PCSK5: variants seen among roughly 807,000 people sequenced by gnomAD.
The protein encoded by PCSK5 is proprotein convertase subtilisin/kexin type 5.
PCSK5 carries 129 observed loss-of-function variants against 233.2 expected under a neutral mutation model. That is an observed-to-expected ratio of 0.55 (90% CI 0.48 to 0.64). PCSK5 has a LOEUF of 0.64. PCSK5 is among the 30% of genes least tolerant of loss of function. The pLI is 0.00. For missense variants in PCSK5, 2,076 were observed against 2,430.1 expected, an observed-to-expected ratio of 0.85 and a Z score of 3.06; for synonymous variants, 825 against 879.2, an observed-to-expected ratio of 0.94 and a Z score of 1.09.
intron 20 of PCSK5, among the ~76,000 whole-genome samples, chr9:76,221,428 G>T (rs369670963): frequency 3.3e-5 from 5 of 152,184 alleles, no homozygotes; most frequent in Admixed American, 1.3e-4. Flanking sequence ...CACCTGGGTC[G>T]CAGCCCAGCT....
At chr9:76,131,805 G>T (rs1376780945) in intron 9 of PCSK5, among the ~76,000 whole-genome samples, 3 of 152,030 alleles carry the variant, frequency 2.0e-5, no homozygotes, top group African/African-American at 7.2e-5. Flanking sequence ...ATGAGACATT[G>T]ACTTCTTTTC....
chr9:75,967,149 A>T (rs2131356783), intron 2 of PCSK5, among the ~76,000 whole-genome samples: 1 of 151,902 alleles, frequency 6.6e-6, no homozygotes, highest in East Asian at 1.9e-4. Context: ...CAGGGGGTGA[A>T]TGTGCAGTTT....
intron 3 of PCSK5, among the ~76,000 whole-genome samples, chr9:76,011,943 C>A (rs1273107251): frequency 6.6e-6 from 1 of 151,806 alleles, no homozygotes; most frequent in East Asian, 1.9e-4. Flanking sequence ...TTTTTATTTC[C>A]TTCATAACTA....
At chr9:76,191,740 C>A (rs1279421275) in intron 20 of PCSK5, among the ~76,000 whole-genome samples, 1 of 152,096 alleles carries the variant, frequency 6.6e-6, no homozygotes, top group Admixed American at 6.5e-5. Context: ...GGTGGCACCC[C>A]AGGGGCCACG....
chr9:76,136,777 G>C (rs1823000226), intron 10 of PCSK5, among the ~76,000 whole-genome samples: 1 of 151,980 alleles, frequency 6.6e-6, no homozygotes, highest in Non-Finnish European at 1.5e-5. Flanking sequence ...ATAGGTACCT[G>C]CCAGTAATAG....
chr9:75,986,093 G>T, intron 2 of PCSK5, 39 bp from the exon 3 acceptor site: 1 of 1,164,426 alleles, frequency 8.6e-7, no homozygotes, highest in South Asian at 1.2e-5. Flanking sequence ...TAATAACCCT[G>T]ATGGAACGTG....
rs148937747 is a variant in PCSK5, at chr9:76,031,874, A to G, written c.632+4837A>G. Among the ~76,000 whole-genome samples the G allele has an allele frequency of 3.9e-3, 600 of 152,294 alleles. 7 individuals carry two copies. The highest frequency in any genetic ancestry group is 0.013 in the African/African-American group (561 of 41,572). On this transcript the variant is annotated intron_variant, in intron 5 of 37. Transcript: ENST00000674117. ...CAGTTATCTCAAAATATGTGTGCCT[A>G]TGAACACTTCAAATTTAAATTAAGA...
intron 21 of PCSK5, among the ~76,000 whole-genome samples, chr9:76,227,997 T>A (rs1825952542): frequency 6.7e-6 from 1 of 149,212 alleles, no homozygotes; most frequent in Non-Finnish European, 1.5e-5. Context: ...TGAGACAGAG[T>A]CTTGCTCTGT....
intron 1 of PCSK5, among the ~76,000 whole-genome samples, chr9:75,907,314 G>T (rs911302203): frequency 6.6e-6 from 1 of 151,968 alleles, no homozygotes; most frequent in African/African-American, 2.4e-5. Flanking sequence ...GACATGGAAC[G>T]TACGTAAAAT....
At position 76,360,849 on chromosome 9, in the gene PCSK5, A is replaced by C. The variant is rs769951203; in HGVS notation, c.*1927A>C. On this transcript the variant is annotated 3_prime_UTR_variant, in exon 38 of 38. Transcript: ENST00000674117. ...ATTCAGGTAATTTTCACATATTATAAAATTTTATTCTTCTTTTGATTTTTT... is the reference window on the plus strand; with the variant it reads ...ATTCAGGTAATTTTCACATATTATACAATTTTATTCTTCTTTTGATTTTTT... The C allele has an allele frequency of 6.6e-6, 1 of 152,220 alleles. No individual in the cohort carries two copies. The highest frequency in any genetic ancestry group is 1.5e-5 in the Non-Finnish European group (1 of 68,044). 9.4% of individuals were successfully genotyped at this position (152,220 alleles called of 1,614,324 possible).
At chr9:75,919,910 G>C (rs1435124009) in intron 1 of PCSK5, among the ~76,000 whole-genome samples, 1 of 152,202 alleles carries the variant, frequency 6.6e-6, no homozygotes, top group Non-Finnish European at 1.5e-5. Context: ...GCTCACGTCT[G>C]TAATCCCAGC....
At chr9:75,903,552 G>A (rs1826132991) in intron 1 of PCSK5, among the ~76,000 whole-genome samples, 1 of 84,568 alleles carries the variant, frequency 1.2e-5, no homozygotes, top group Non-Finnish European at 2.2e-5. Context: ...GTATGTGCAT[G>A]TGTGTATATA....
chr9:76,076,905 GTAA>G (rs909852414), intron 7 of PCSK5, among the ~76,000 whole-genome samples: 11 of 152,132 alleles, frequency 7.2e-5, no homozygotes, highest in African/African-American at 2.4e-4. Context: ...ACAATTAATA[GTAA>G]TAATAATAAT....
intron 35 of PCSK5, among the ~76,000 whole-genome samples, chr9:76,345,100 AAGT>A (rs1199654128): frequency 6.6e-6 from 1 of 152,160 alleles, no homozygotes; most frequent in Admixed American, 6.5e-5. Flanking sequence ...AGTACCCAAT[AAGT>A]AGTTTTTCAA....
chr9:76,174,367 C>T (rs1453954869), intron 13 of PCSK5, among the ~76,000 whole-genome samples: 2 of 150,826 alleles, frequency 1.3e-5, no homozygotes, highest in African/African-American at 4.9e-5. Context: ...AGTGCAGTGG[C>T]GTGATCTCCG....
intron 30 of PCSK5, among the ~76,000 whole-genome samples, chr9:76,312,329 G>C (rs774529066): frequency 6.6e-6 from 1 of 152,066 alleles, no homozygotes; most frequent in Non-Finnish European, 1.5e-5. Flanking sequence ...GACCAACATG[G>C]AGAAACCCCA....
chr9:76,047,975 G>A (rs566835175), intron 5 of PCSK5, among the ~76,000 whole-genome samples: 3 of 152,080 alleles, frequency 2.0e-5, no homozygotes, highest in East Asian at 3.9e-4. Context: ...AATCTTTATC[G>A]GTTTTTCCAA....
At chr9:76,295,532 C>A in intron 26 of PCSK5, 121 bp downstream of exon 26, 1 of 792,854 alleles carries the variant, frequency 1.3e-6, no homozygotes, top group Non-Finnish European at 2.0e-6. Flanking sequence ...ACCTCTGGCC[C>A]AAGGAGAAAT....
chr9:76,210,861 G>A (rs1205359765), intron 20 of PCSK5, among the ~76,000 whole-genome samples: 1 of 152,184 alleles, frequency 6.6e-6, no homozygotes, highest in Non-Finnish European at 1.5e-5. Context: ...ATGGAATGGA[G>A]AGCTGTTCAG....
Sources: gnomAD v4.1 joint callset for allele counts (sites outside exome capture counted in the v4.1 genomes callset) on GRCh38, gnomAD v4.1.1 for gene constraint, MANE v1.5 for transcripts, NCBI Gene and HGNC (gene_info 2026-07-23, HGNC 2026-07-21) for gene names.